The following DOP1B variants were observed in gnomAD, a reference collection of about 807,000 sequenced individuals.
DOP1B encodes DOP1 leucine zipper like protein B, also known as protein DOP1B.
In DOP1B, 174 loss-of-function variants were observed where a neutral mutation model predicts 233.5. The ratio of observed to expected loss-of-function variants is 0.75; its 90% CI spans 0.66 to 0.85. The LOEUF (loss-of-function observed/expected upper bound fraction) is 0.85, where lower values mean the gene tolerates loss of function less well. Ranked by LOEUF, DOP1B falls within the 40% of genes least tolerant of loss-of-function variation. The pLI is 0.00. For missense variants in DOP1B, 2,652 were observed against 2,846.6 expected (o/e 0.93, Z 1.56); for synonymous variants, 1,190 against 1,185.6 (o/e 1.00, Z -0.08).
At chr21:36,271,809 G>T (rs76232021) in intron 27 of DOP1B, among the ~76,000 whole-genome samples, 5,269 of 150,642 alleles carry the variant, frequency 0.035, 159 homozygotes, top group African/African-American at 0.067. Flanking sequence ...GAATGTGTGT[G>T]TTTCTTTTTG....
chr21:36,216,626 G>A (rs1225396162), intron 9 of DOP1B, among the ~76,000 whole-genome samples: 2 of 151,974 alleles, frequency 1.3e-5, no homozygotes, highest in Non-Finnish European at 2.9e-5. Flanking sequence ...AAAGAAATTT[G>A]CTACCATATC....
At chr21:36,220,161 T>G (rs892318192) in intron 10 of DOP1B, among the ~76,000 whole-genome samples, 4 of 152,182 alleles carry the variant, frequency 2.6e-5, no homozygotes, top group Non-Finnish European at 5.9e-5. Context: ...TGAACTAGCA[T>G]TGGGTACATT....
At chr21:36,269,625 A>G (rs937465902) in intron 26 of DOP1B, among the ~76,000 whole-genome samples, 3 of 151,972 alleles carry the variant, frequency 2.0e-5, no homozygotes, top group Non-Finnish European at 4.4e-5. Flanking sequence ...GGATCAAGCG[A>G]TTCTCTTGCC....
chr21:36,158,850 A>C (rs1199584169), intron 1 of DOP1B, among the ~76,000 whole-genome samples: 1 of 151,440 alleles, frequency 6.6e-6, no homozygotes, highest in Non-Finnish European at 1.5e-5. Flanking sequence ...GCATAAGGCC[A>C]GGTGCAGTGG....
intron 2 of DOP1B, among the ~76,000 whole-genome samples, chr21:36,180,230 G>C (rs950008491): frequency 2.6e-5 from 4 of 152,060 alleles, no homozygotes; most frequent in East Asian, 3.9e-4. Flanking sequence ...TTACACACTT[G>C]GGCCCTTCCA....
intron 2 of DOP1B, among the ~76,000 whole-genome samples, chr21:36,185,868 G>A (rs925313395): frequency 6.6e-6 from 1 of 152,186 alleles, no homozygotes; most frequent in Non-Finnish European, 1.5e-5. Flanking sequence ...CAGATTACCC[G>A]CTGTGAGGCA....
At chr21:36,234,658 A>T (rs2066806300) in intron 15 of DOP1B, among the ~76,000 whole-genome samples, 1 of 151,552 alleles carries the variant, frequency 6.6e-6, no homozygotes, top group South Asian at 2.1e-4. Flanking sequence ...CCCCTGCCTC[A>T]GCTTCCCTGG....
chr21:36,281,146 A>T (rs1397752882), intron 31 of DOP1B, among the ~76,000 whole-genome samples: 1 of 152,120 alleles, frequency 6.6e-6, no homozygotes. Flanking sequence ...TCTACAAAAA[A>T]TTAACCAGGC....
intron 2 of DOP1B, among the ~76,000 whole-genome samples, chr21:36,181,739 A>C (rs1173119288): frequency 1.3e-5 from 2 of 152,146 alleles, no homozygotes; most frequent in Non-Finnish European, 2.9e-5. Context: ...CCTCCCAGGG[A>C]GACTGGGCAG....
At chr21:36,241,693 CTTT>C (rs58454212) in intron 18 of DOP1B, among the ~76,000 whole-genome samples, 1,620 of 105,548 alleles carry the variant, frequency 0.015, 28 homozygotes, top group African/African-American at 0.055. Flanking sequence ...TTCTTTCTTT[CTTT>C]TTTTTTTTTT....
intron 22 of DOP1B, 120 bp from the exon 23 acceptor site, chr21:36,253,652 A>AAAAT: frequency 8.6e-7 from 1 of 1,163,938 alleles, no homozygotes; most frequent in Non-Finnish European, 1.2e-6. Flanking sequence ...AAAAAAAAAA[A>AAAAT]GAGATGAAAA....
chr21:36,165,630 A>G (rs1304902887), intron 2 of DOP1B, among the ~76,000 whole-genome samples: 1 of 151,666 alleles, frequency 6.6e-6, no homozygotes, highest in Non-Finnish European at 1.5e-5. Context: ...CTGTCAGATT[A>G]GTGGTGGCAC....
At chr21:36,232,258 C>T (rs1309930403) in intron 14 of DOP1B, among the ~76,000 whole-genome samples, 1 of 152,186 alleles carries the variant, frequency 6.6e-6, no homozygotes, top group Non-Finnish European at 1.5e-5. Context: ...GCTGGGATTA[C>T]AGGCATGAGC....
At chr21:36,219,954 G>A (rs1407392258) in intron 10 of DOP1B, among the ~76,000 whole-genome samples, 1 of 151,820 alleles carries the variant, frequency 6.6e-6, no homozygotes, top group East Asian at 1.9e-4. Flanking sequence ...GAGATTGGGG[G>A]AGACCCAGGC....
At chr21:36,223,099 A>G in intron 10 of DOP1B, 132 bp from the exon 11 acceptor site, 1 of 859,678 alleles carries the variant, frequency 1.2e-6, no homozygotes, top group Non-Finnish European at 1.7e-6. Flanking sequence ...TAATATTTTC[A>G]TTTTTATCAG....
At chr21:36,232,311 T>A (rs886696882) in intron 14 of DOP1B, among the ~76,000 whole-genome samples, 1 of 152,186 alleles carries the variant, frequency 6.6e-6, no homozygotes, top group Non-Finnish European at 1.5e-5. Context: ...TTGCTAGGGC[T>A]CCTCTAACAA....
intron 2 of DOP1B, among the ~76,000 whole-genome samples, chr21:36,183,490 G>A (rs16993951): frequency 0.012 from 1,846 of 152,328 alleles, 46 homozygotes; most frequent in African/African-American, 0.041. Context: ...TTCTTCTGCA[G>A]GCTGACGTGG....
Position 36,281,575 on chromosome 21 carries a change from C to G in DOP1B, c.6124C>G (p.Leu2042Val). 6.2e-7 allele frequency: 1 copy of G among 1,608,002 alleles called. No homozygotes were observed. The highest frequency in any genetic ancestry group is 8.5e-7 in the Non-Finnish European group (1 of 1,174,972). Residue 2042 changes from leucine (L) to valine (V), a missense_variant, in exon 32 of 37, where the codon CTT becomes GTT. By Grantham distance (32) the Leu-to-Val change is conservative. This residue lies in a region of DOP1B where 2,617 missense variants were observed against 2,794.3 expected (regional missense o/e 0.94). Transcript: ENST00000691173. ...RQAFAVFSGELDQYHLYLPLI... is the reference protein window; with the variant it reads ...RQAFAVFSGEVDQYHLYLPLI... ...GGCTTTTGCTGTCTTCAGTGGAGAA[C>G]TTGATCAATACCACCTTTACCTTCC...
In DOP1B at chr21:36,246,230, G is replaced by T; in HGVS notation, c.4250G>T (p.Ser1417Ile). The change falls in exon 19 of 37, where the codon AGC becomes ATC. Residue 1417 changes from serine (S) to isoleucine (I), a missense_variant. Around this residue, in one of 3 missense-constraint regions of DOP1B, gnomAD observed 2,617 missense variants for 2,794.3 expected, o/e 0.94. Coordinates refer to ENST00000691173, the MANE Select transcript of DOP1B (RefSeq NM_001320714.2). This position sits in a 1 kb window ranked among gnomAD's most constrained non-coding sequence, Gnocchi z 5.1. Reference protein sequence around the residue: ...AHHGRALPEDSLFEESLINLG... With the variant: ...AHHGRALPEDILFEESLINLG... Reference sequence around the variant, plus strand: ...CACGGCAGGGCCCTGCCAGAGGACAGCCTCTTTGAGGAGAGTCTCATTAAC... The same window carrying T: ...CACGGCAGGGCCCTGCCAGAGGACATCCTCTTTGAGGAGAGTCTCATTAAC... The T allele has an allele frequency of 6.2e-7, 1 of 1,613,886 alleles. No homozygotes were observed. The highest frequency in any genetic ancestry group is 1.1e-5 in the South Asian group (1 of 91,088).
Sources: allele counts gnomAD v4.1 joint callset (sites outside exome capture counted in the v4.1 genomes callset), GRCh38; gene constraint gnomAD v4.1.1; regional missense constraint gnomAD v4.1.1; non-coding constraint Gnocchi (gnomAD v3.1); transcripts MANE v1.5; gene names NCBI Gene and HGNC (gene_info 2026-07-23, HGNC 2026-07-21).